CDH13: variants seen among roughly 807,000 people sequenced by gnomAD.
The protein encoded by CDH13 is cadherin 13, also known as cadherin-13.
Under a neutral mutation model 63.8 loss-of-function variants are expected in CDH13, and 24 were observed. That is an observed-to-expected ratio of 0.38 (90% CI 0.27 to 0.53). The LOEUF (loss-of-function observed/expected upper bound fraction) is 0.53. Ranked by LOEUF, CDH13 falls within the 20% of genes least tolerant of loss-of-function variation. CDH13 has a pLI of 0.85. For synonymous variants in CDH13, 503 were observed against 355.3 expected, an observed-to-expected ratio of 1.42 and a Z score of -4.67; for missense variants, 1,049 against 903.1, an observed-to-expected ratio of 1.16 and a Z score of -2.07.
At chr16:83,218,933 C>T (rs942804054) in intron 5 of CDH13, among the ~76,000 whole-genome samples, 1 of 152,134 alleles carries the variant, frequency 6.6e-6, no homozygotes, top group Non-Finnish European at 1.5e-5. Flanking sequence ...TCTTGCCCAC[C>T]GTGTAAGAAG....
At chr16:83,522,836 C>T (rs1290771817) in intron 7 of CDH13, among the ~76,000 whole-genome samples, 1 of 152,162 alleles carries the variant, frequency 6.6e-6, no homozygotes, top group Non-Finnish European at 1.5e-5. Flanking sequence ...TTCAATTCCC[C>T]TCCACCCCAA....
chr16:83,137,373 G>A (rs2036335342), intron 4 of CDH13, among the ~76,000 whole-genome samples: 2 of 152,230 alleles, frequency 1.3e-5, no homozygotes, highest in Non-Finnish European at 2.9e-5. Flanking sequence ...ATGAGGAAGG[G>A]AGTGATAAAA....
intron 1 of CDH13, among the ~76,000 whole-genome samples, chr16:82,628,125 C>CG (rs1227278276): frequency 1.3e-5 from 2 of 152,176 alleles, no homozygotes; most frequent in African/African-American, 2.4e-5. Flanking sequence ...CTGGCCGCTG[C>CG]GGGGGGCACG....
At chr16:82,714,997 T>A (rs1271605682) in intron 1 of CDH13, among the ~76,000 whole-genome samples, 5 of 136,494 alleles carry the variant, frequency 3.7e-5, no homozygotes, top group Non-Finnish European at 7.9e-5. Flanking sequence ...TGTTCCAGCA[T>A]CCGTAGGAAA....
chr16:83,011,459 C>T (rs1597403379), intron 2 of CDH13, among the ~76,000 whole-genome samples: 2 of 152,126 alleles, frequency 1.3e-5, no homozygotes, highest in Non-Finnish European at 2.9e-5. Context: ...AATCGAAAGC[C>T]CTTCCTCTCA....
chr16:82,643,585 G>C (rs949326620), intron 1 of CDH13, among the ~76,000 whole-genome samples: 2 of 152,176 alleles, frequency 1.3e-5, no homozygotes, highest in African/African-American at 4.8e-5. Context: ...TTGGCCTATT[G>C]GAAATAAAGC....
At chr16:83,784,050 A>G (rs1394412769) in intron 13 of CDH13, among the ~76,000 whole-genome samples, 1 of 152,214 alleles carries the variant, frequency 6.6e-6, no homozygotes, top group Non-Finnish European at 1.5e-5. Flanking sequence ...AAAATTAATA[A>G]ATACATGTCT....
chr16:83,204,352 C>A (rs1045869373), intron 4 of CDH13, among the ~76,000 whole-genome samples: 2 of 152,190 alleles, frequency 1.3e-5, no homozygotes, highest in African/African-American at 4.8e-5. Flanking sequence ...CCAATACCTA[C>A]CTCATAGAAT....
At chr16:83,508,021 A>C (rs893637395) in intron 7 of CDH13, among the ~76,000 whole-genome samples, 1 of 144,598 alleles carries the variant, frequency 6.9e-6, no homozygotes, top group South Asian at 2.3e-4. Flanking sequence ...AACAAGAGCA[A>C]CATTCGGTCG....
At chr16:83,386,874 T>G (rs571841317) in intron 6 of CDH13, among the ~76,000 whole-genome samples, 85 of 152,162 alleles carry the variant, frequency 5.6e-4, no homozygotes, top group Non-Finnish European at 1.0e-3. Context: ...ACTTCTGTAT[T>G]TAAGGAAGAG....
At chr16:83,002,313 G>T (rs553471082) in intron 2 of CDH13, among the ~76,000 whole-genome samples, 2 of 152,178 alleles carry the variant, frequency 1.3e-5, no homozygotes, top group Non-Finnish European at 2.9e-5. Context: ...ATATGAATAC[G>T]GAGGCAACTC....
At chr16:83,504,575 G>T (rs1005114306) in intron 7 of CDH13, among the ~76,000 whole-genome samples, 6 of 152,116 alleles carry the variant, frequency 3.9e-5, no homozygotes, top group Non-Finnish European at 8.8e-5. Context: ...CCACGTTTTG[G>T]GATTCTAGCA....
chr16:82,881,813 G>A (rs144740237), intron 2 of CDH13, among the ~76,000 whole-genome samples: 1,685 of 152,156 alleles, frequency 0.011, 83 homozygotes, highest in Admixed American at 0.097. Flanking sequence ...CCTGCGATAC[G>A]ATAGCATGTC....
intron 1 of CDH13, among the ~76,000 whole-genome samples, chr16:82,731,013 T>C (rs2033372987): frequency 6.6e-6 from 1 of 152,214 alleles, no homozygotes; most frequent in Non-Finnish European, 1.5e-5. Context: ...ATTATTTATG[T>C]ATGGTGAAAT....
At chr16:82,970,452 T>A in intron 2 of CDH13, among the ~76,000 whole-genome samples, 1 of 106,550 alleles carries the variant, frequency 9.4e-6, no homozygotes, top group Non-Finnish European at 2.2e-5. Flanking sequence ...GACTGCGGAC[T>A]GCAGTGGCGC....
chr16:83,046,849 G>C (rs766386201), intron 3 of CDH13, among the ~76,000 whole-genome samples: 1 of 152,118 alleles, frequency 6.6e-6, no homozygotes, highest in Non-Finnish European at 1.5e-5. Context: ...AGGGAGGATT[G>C]TGAAATCCTT....
intron 2 of CDH13, among the ~76,000 whole-genome samples, chr16:82,866,544 A>G (rs896752265): frequency 2.0e-5 from 3 of 151,650 alleles, no homozygotes; most frequent in African/African-American, 7.3e-5. Context: ...ATGAGCCACC[A>G]TGCCTGGCTA....
chr16:83,149,931 C>T (rs1166847852), intron 4 of CDH13, among the ~76,000 whole-genome samples: 1 of 152,168 alleles, frequency 6.6e-6, no homozygotes, highest in African/African-American at 2.4e-5. Context: ...AAACAGTTAG[C>T]AGCATGCCAC....
chr16:83,532,898 C>T (rs1014865830), intron 7 of CDH13, among the ~76,000 whole-genome samples: 4 of 152,340 alleles, frequency 2.6e-5, no homozygotes, highest in Middle Eastern at 3.4e-3. Context: ...AGAGAGCCAG[C>T]GGCCTCCCCT....
Sources: gnomAD v4.1 joint callset for allele counts (sites outside exome capture counted in the v4.1 genomes callset) on GRCh38, gnomAD v4.1.1 for gene constraint, MANE v1.5 for transcripts, NCBI Gene and HGNC (gene_info 2026-07-23, HGNC 2026-07-21) for gene names.